Variants in ANXA8 observed in about 807,000 individuals in gnomAD.
ANXA8 encodes the protein VAC-beta.
A neutral mutation model predicts 26.8 loss-of-function variants in ANXA8; 9 were observed. That is an observed-to-expected ratio of 0.34 (90% CI 0.20 to 0.59). ANXA8 has a LOEUF of 0.59. ANXA8 is among the 20% of genes least tolerant of loss of function. ANXA8 has a pLI of 0.84. For missense variants in ANXA8, 83 were observed against 238.5 expected (o/e 0.35, Z 4.29); for synonymous variants, 39 against 94.8 (o/e 0.41, Z 3.42).
chr10:47,652,367 C>T, the ANXA8 span, among the ~76,000 whole-genome samples: 3 of 151,824 alleles, frequency 2.0e-5, no homozygotes, highest in Admixed American at 6.5e-5. Context: ...GAGGCCGAGG[C>T]GAGTGGATCA....
chr10:47,547,514 G>GT, the ANXA8 span, among the ~76,000 whole-genome samples: 101 of 97,204 alleles, frequency 1.0e-3, 3 homozygotes, highest in Non-Finnish European at 3.5e-4. Flanking sequence ...TGCGCATTGT[G>GT]TGTACCGTGC....
chr10:47,505,515 C>T, the ANXA8 span, among the ~76,000 whole-genome samples: 20 of 138,178 alleles, frequency 1.4e-4, 2 homozygotes, highest in Non-Finnish European at 2.0e-4. Flanking sequence ...TTAAAGAATC[C>T]GTGATTTAAC....
At chr10:47,958,585 C>T in the ANXA8 span, among the ~76,000 whole-genome samples, 1 of 148,454 alleles carries the variant, frequency 6.7e-6, no homozygotes, top group African/African-American at 2.6e-5. Flanking sequence ...GCTTCGCCTC[C>T]TCCTCTAACA....
At chr10:47,687,819 G>A in the ANXA8 span, among the ~76,000 whole-genome samples, 24 of 151,944 alleles carry the variant, frequency 1.6e-4, no homozygotes, top group African/African-American at 4.8e-4. Context: ...AGAGAGTCTC[G>A]CCAGGCACGT....
chr10:47,573,283 G>C, the ANXA8 span, among the ~76,000 whole-genome samples: 198 of 150,042 alleles, frequency 1.3e-3, 10 homozygotes, highest in African/African-American at 4.3e-3. Flanking sequence ...TGCCCAGCCA[G>C]CTTTTTTGTT....
chr10:47,949,710 A>G, the ANXA8 span, among the ~76,000 whole-genome samples: 7 of 149,660 alleles, frequency 4.7e-5, no homozygotes, highest in African/African-American at 1.7e-4. Flanking sequence ...TGAGCTAATG[A>G]TACATATTGT....
At chr10:47,898,842 T>TTTTTTTTA in the ANXA8 span, among the ~76,000 whole-genome samples, 1 of 138,856 alleles carries the variant, frequency 7.2e-6, no homozygotes. Flanking sequence ...TTTTTTTTTT[T>TTTTTTTTA]AGATGTGGTC....
chr10:47,723,463 A>G, the ANXA8 span, among the ~76,000 whole-genome samples: 7 of 65,558 alleles, frequency 1.1e-4, no homozygotes, highest in Admixed American at 1.4e-3. Flanking sequence ...TGCTTTTGTC[A>G]AAGTTACACT....
chr10:47,939,663 C>T, the ANXA8 span, among the ~76,000 whole-genome samples: 6 of 144,062 alleles, frequency 4.2e-5, 1 homozygote, highest in African/African-American at 1.4e-4. Context: ...TTCTCAGATT[C>T]CAGCTGGATT....
the ANXA8 span, among the ~76,000 whole-genome samples, chr10:47,705,107 A>G: frequency 2.6e-5 from 4 of 152,008 alleles, no homozygotes; most frequent in Admixed American, 2.6e-4. Flanking sequence ...ATTATATGAT[A>G]TTTATGTAGA....
the ANXA8 span, among the ~76,000 whole-genome samples, chr10:47,948,258 A>C: frequency 8.0e-6 from 1 of 124,738 alleles, no homozygotes; most frequent in Non-Finnish European, 1.6e-5. Context: ...ACAGACATGT[A>C]AAGATGCACA....
chr10:47,769,781 C>T, the ANXA8 span, among the ~76,000 whole-genome samples: 2 of 152,306 alleles, frequency 1.3e-5, no homozygotes, highest in Non-Finnish European at 2.9e-5. Flanking sequence ...CTTCCCTGTA[C>T]CGGTATTGTA....
rs1328724186 is a variant in ANXA8 at position 47,476,453 on chromosome 10, G to A, written c.322-131C>T. On this transcript the variant is annotated intron_variant, in intron 4 of 11. Coordinates refer to ENST00000585281, the MANE Select transcript of ANXA8 (RefSeq NM_001040084.3). ...CCTGCCCCACTTGAAGTGGGAGGAT[G>A]TGATGAGAAAATCACATGCTTCAGT... 57 of 1,184,616 alleles carry A rather than the reference G, an allele frequency of 4.8e-5. 4 individuals are homozygous for A. The highest frequency in any genetic ancestry group is 6.5e-5 in the Non-Finnish European group (56 of 863,634). 73.4% of individuals were successfully genotyped at this position (1,184,616 alleles called of 1,614,324 possible).
chr10:47,692,506 G>A, the ANXA8 span: 6 of 45,738 alleles, frequency 1.3e-4, no homozygotes, highest in African/African-American at 4.7e-4. Context: ...GTGAGCTACC[G>A]TGCCCATGGT....
chr10:47,948,602 G>T, the ANXA8 span, among the ~76,000 whole-genome samples: 5 of 148,624 alleles, frequency 3.4e-5, no homozygotes, highest in Non-Finnish European at 5.9e-5. Flanking sequence ...TGAATCTTTA[G>T]TAACCTGTGG....
chr10:47,689,917 C>G, the ANXA8 span: 27 of 1,350,740 alleles, frequency 2.0e-5, no homozygotes, highest in African/African-American at 2.9e-4. Flanking sequence ...TATTGGTTCT[C>G]CAGATCTTTG....
the ANXA8 span, among the ~76,000 whole-genome samples, chr10:47,979,239 T>C: frequency 1.3e-5 from 2 of 151,716 alleles, no homozygotes; most frequent in Non-Finnish European, 2.9e-5. Flanking sequence ...ATTACTCCAC[T>C]TTCAACAATG....
At chr10:47,664,461 G>T in the ANXA8 span, among the ~76,000 whole-genome samples, 2 of 151,588 alleles carry the variant, frequency 1.3e-5, no homozygotes, top group Non-Finnish European at 2.9e-5. Flanking sequence ...CCAACTACTC[G>T]GGAGGCTGAG....
At chr10:47,677,314 CAGGGATACCATAA>C in the ANXA8 span, among the ~76,000 whole-genome samples, 3 of 152,114 alleles carry the variant, frequency 2.0e-5, no homozygotes, top group African/African-American at 7.3e-5. Context: ...AAAACACAAA[CAGGGATACCATAA>C]AGTCAGTACA....
Sources: allele counts gnomAD v4.1 joint callset (sites outside exome capture counted in the v4.1 genomes callset), GRCh38; gene constraint gnomAD v4.1.1; transcripts MANE v1.5; gene names NCBI Gene and HGNC (gene_info 2026-07-23, HGNC 2026-07-21).